The following TAFA5 variants were observed in gnomAD, a reference collection of about 807,000 sequenced individuals.
The protein encoded by TAFA5 is TAFA chemokine like family member 5.
A neutral mutation model predicts 15.3 loss-of-function variants in TAFA5; 6 were observed. That is an observed-to-expected ratio of 0.39 (90% CI 0.21 to 0.77). TAFA5 has a LOEUF of 0.77. Among genes scored for constraint, TAFA5 ranks in the 30% least tolerant of loss-of-function variants. TAFA5 has a pLI of 0.41. For synonymous variants in TAFA5, 103 were observed against 80.7 expected, an observed-to-expected ratio of 1.28 and a Z score of -1.48; for missense variants, 161 against 193.1, an observed-to-expected ratio of 0.83 and a Z score of 0.98.
chr22:48,635,007 G>A (rs1926394533), intron 1 of TAFA5, among the ~76,000 whole-genome samples: 1 of 152,212 alleles, frequency 6.6e-6, no homozygotes. Flanking sequence ...CTGAGGTAGG[G>A]GGGATCCTCT....
chr22:48,663,698 C>T (rs1311173667), intron 2 of TAFA5, among the ~76,000 whole-genome samples: 2 of 152,320 alleles, frequency 1.3e-5, no homozygotes, highest in Non-Finnish European at 2.9e-5. Context: ...AAAAATTTTG[C>T]GCCATTCCAC....
At chr22:48,572,354 A>G (rs1234596125) in intron 1 of TAFA5, among the ~76,000 whole-genome samples, 1 of 152,220 alleles carries the variant, frequency 6.6e-6, no homozygotes, top group African/African-American at 2.4e-5. Flanking sequence ...GGGAATGAGC[A>G]AGGTGTGTAG....
intron 2 of TAFA5, among the ~76,000 whole-genome samples, chr22:48,678,992 GC>G (rs1928075227): frequency 8.7e-5 from 2 of 22,994 alleles, no homozygotes; most frequent in Admixed American, 5.6e-4. Flanking sequence ...CCCTCTCCCG[GC>G]TCCCCGTCCA....
At chr22:48,747,673 G>A (rs1054605870) in intron 3 of TAFA5, among the ~76,000 whole-genome samples, 2 of 152,126 alleles carry the variant, frequency 1.3e-5, no homozygotes. Context: ...AAGGTGAGCG[G>A]ATCACCTGAG....
intron 1 of TAFA5, among the ~76,000 whole-genome samples, chr22:48,592,766 C>T (rs991468864): frequency 5.3e-5 from 8 of 152,122 alleles, no homozygotes; most frequent in African/African-American, 1.9e-4. Context: ...AAGCCCTGTG[C>T]TCCCGAGAAA....
At chr22:48,631,205 C>T (rs556569370) in intron 1 of TAFA5, among the ~76,000 whole-genome samples, 9 of 152,256 alleles carry the variant, frequency 5.9e-5, no homozygotes, top group African/African-American at 1.2e-4. Context: ...TGGTGTGCTC[C>T]GGGGTCTTGG....
At chr22:48,573,390 C>T (rs1923653534) in intron 1 of TAFA5, among the ~76,000 whole-genome samples, 2 of 152,172 alleles carry the variant, frequency 1.3e-5, no homozygotes, top group South Asian at 4.1e-4. Flanking sequence ...AAGGGTTTTT[C>T]CTGTCATGTC....
At chr22:48,578,346 A>G (rs1215192562) in intron 1 of TAFA5, among the ~76,000 whole-genome samples, 3 of 152,170 alleles carry the variant, frequency 2.0e-5, no homozygotes, top group African/African-American at 7.2e-5. Context: ...GCGCTGCCCC[A>G]GTGCAGGTGC....
chr22:48,733,963 C>T (rs936010099), intron 3 of TAFA5, among the ~76,000 whole-genome samples: 6 of 152,212 alleles, frequency 3.9e-5, no homozygotes, highest in Non-Finnish European at 8.8e-5. Context: ...GGGCAGCCGC[C>T]TGCACAGTGT....
intron 1 of TAFA5, among the ~76,000 whole-genome samples, chr22:48,535,358 C>G (rs5768714): frequency 0.09 from 13,726 of 152,246 alleles, 1,332 homozygotes; most frequent in East Asian, 0.42. Context: ...AGTGCGTCAA[C>G]AGAGGATGTG....
chr22:48,683,933 C>A (rs1263135469), intron 2 of TAFA5, among the ~76,000 whole-genome samples: 1 of 152,188 alleles, frequency 6.6e-6, no homozygotes, highest in Non-Finnish European at 1.5e-5. Flanking sequence ...GCCTGCTTCC[C>A]CTTTGCCTTC....
chr22:48,569,317 A>T (rs935813446), intron 1 of TAFA5, among the ~76,000 whole-genome samples: 1 of 151,918 alleles, frequency 6.6e-6, no homozygotes, highest in Admixed American at 6.6e-5. Flanking sequence ...AAACTGAAAA[A>T]CCTGGCCCGG....
chr22:48,511,770 C>T (rs1251426439), intron 1 of TAFA5, among the ~76,000 whole-genome samples: 1 of 152,266 alleles, frequency 6.6e-6, no homozygotes, highest in African/African-American at 2.4e-5. Flanking sequence ...TGGAACCTTA[C>T]AAGACGGTGC....
At chr22:48,564,443 G>A (rs1168053670) in intron 1 of TAFA5, among the ~76,000 whole-genome samples, 1 of 152,274 alleles carries the variant, frequency 6.6e-6, no homozygotes, top group African/African-American at 2.4e-5. Context: ...TGCAGAGGCT[G>A]TGGGTTGGCT....
chr22:48,686,208 G>C (rs1185742970), intron 2 of TAFA5, among the ~76,000 whole-genome samples: 1 of 152,346 alleles, frequency 6.6e-6, no homozygotes, highest in African/African-American at 2.4e-5. Context: ...TGCCCAGGAG[G>C]GGAAAGGAGA....
At chr22:48,503,484 G>A (rs979623494) in intron 1 of TAFA5, among the ~76,000 whole-genome samples, 6 of 152,346 alleles carry the variant, frequency 3.9e-5, no homozygotes, top group Non-Finnish European at 7.4e-5. Flanking sequence ...TCCCCACATG[G>A]AGGAAAGAGC....
At chr22:48,721,315 C>A (rs996005626) in intron 3 of TAFA5, among the ~76,000 whole-genome samples, 2 of 152,202 alleles carry the variant, frequency 1.3e-5, no homozygotes, top group Non-Finnish European at 2.9e-5. Context: ...GCCTTCATGC[C>A]ACCCACTGCC....
chr22:48,702,497 C>G (rs11204505), intron 2 of TAFA5, among the ~76,000 whole-genome samples: 33,689 of 152,088 alleles, frequency 0.22, 3,954 homozygotes, highest in Non-Finnish European at 0.25. Flanking sequence ...CTGCTCCTAC[C>G]GGCCCGGGGA....
At chr22:48,709,810 G>A (rs1436874851) in intron 3 of TAFA5, among the ~76,000 whole-genome samples, 1 of 152,240 alleles carries the variant, frequency 6.6e-6, no homozygotes, top group Non-Finnish European at 1.5e-5. Context: ...TCATCACTTG[G>A]ATGCAGGCAG....
Sources: allele counts gnomAD v4.1 joint callset (sites outside exome capture counted in the v4.1 genomes callset), GRCh38; gene constraint gnomAD v4.1.1; transcripts MANE v1.5; gene names NCBI Gene and HGNC (gene_info 2026-07-23, HGNC 2026-07-21).